The following FBXO16 variants were observed in gnomAD, a reference collection of about 807,000 sequenced individuals.
FBXO16 encodes F-box only protein 16.
FBXO16 carries 31 observed loss-of-function variants against 41.0 expected under a neutral mutation model. The ratio of observed to expected loss-of-function variants is 0.76; its 90% CI spans 0.57 to 1.02. The LOEUF is 1.02. Among genes scored for constraint, FBXO16 ranks in the 50% least tolerant of loss-of-function variants. FBXO16 has a pLI of 0.00. For synonymous variants in FBXO16, 133 were observed against 117.8 expected (o/e 1.13, Z -0.84); for missense variants, 361 against 346.2 (o/e 1.04, Z -0.34).
At chr8:28,428,781 C>A (rs1330584876) in intron 8 of FBXO16, 45 bp from the exon 9 acceptor site, 3 of 1,464,294 alleles carry the variant, frequency 2.0e-6, no homozygotes, top group Admixed American at 2.8e-5. Context: ...TATTGAAATA[C>A]CAAGGGAGCT....
At chr8:28,459,556 G>C (rs1255304742) in intron 4 of FBXO16, among the ~76,000 whole-genome samples, 3 of 150,952 alleles carry the variant, frequency 2.0e-5, no homozygotes, top group Admixed American at 6.6e-5. Flanking sequence ...GTGGGCGGAG[G>C]TTGCAGTGAG....
intron 8 of FBXO16, 112 bp from the exon 9 acceptor site, chr8:28,428,848 G>T: frequency 8.1e-7 from 1 of 1,234,252 alleles, no homozygotes; most frequent in Non-Finnish European, 1.1e-6. Context: ...TATAGGGCTG[G>T]ATGGGATTTA....
chr8:28,430,857 A>G (rs1585886686), intron 7 of FBXO16, among the ~76,000 whole-genome samples: 1 of 152,190 alleles, frequency 6.6e-6, no homozygotes, highest in East Asian at 1.9e-4. Context: ...CTGTAATCCC[A>G]GCTACTCAGG....
At chr8:28,473,520 G>A (rs1372389342) in intron 3 of FBXO16, among the ~76,000 whole-genome samples, 1 of 152,146 alleles carries the variant, frequency 6.6e-6, no homozygotes, top group Admixed American at 6.5e-5. Flanking sequence ...TGCCATGTGA[G>A]GACACAGTGA....
intron 1 of FBXO16, among the ~76,000 whole-genome samples, chr8:28,484,830 T>C (rs1024494573): frequency 1.1e-4 from 17 of 152,014 alleles, no homozygotes; most frequent in Admixed American, 1.0e-3. Flanking sequence ...CCTGACCTCA[T>C]GATCCACCCC....
chr8:28,481,057 GC>G (rs34633313), intron 2 of FBXO16, among the ~76,000 whole-genome samples: 1 of 151,774 alleles, frequency 6.6e-6, no homozygotes, highest in Admixed American at 6.5e-5. Context: ...TCACTCGGGG[GC>G]CCCGAGCCGG....
intron 6 of FBXO16, among the ~76,000 whole-genome samples, chr8:28,450,969 T>A (rs1040466285): frequency 1.9e-4 from 29 of 152,184 alleles, no homozygotes; most frequent in Non-Finnish European, 3.4e-4. Flanking sequence ...TAGCAATTTT[T>A]AAAAAATGCC....
At chr8:28,485,966 G>C (rs1563372198) in intron 1 of FBXO16, among the ~76,000 whole-genome samples, 1 of 151,716 alleles carries the variant, frequency 6.6e-6, no homozygotes, top group Non-Finnish European at 1.5e-5. Flanking sequence ...AAATTATCTG[G>C]GCATGGTGGC....
intron 7 of FBXO16, among the ~76,000 whole-genome samples, chr8:28,441,910 A>ATGTGTGTGTGTGTGTGTG (rs1175392833): frequency 9.3e-6 from 1 of 107,894 alleles, no homozygotes; most frequent in Non-Finnish European, 1.7e-5. Context: ...GTATATATAT[A>ATGTGTGTGTGTGTGTGTG]TGTGTGTGTG....
chr8:28,441,250 C>T (rs1160596665), intron 7 of FBXO16, among the ~76,000 whole-genome samples: 1 of 152,124 alleles, frequency 6.6e-6, no homozygotes, highest in African/African-American at 2.4e-5. Flanking sequence ...CACCTCTTCC[C>T]TTCCAGGAGC....
At chr8:28,489,275 G>A (rs1027105586) in intron 1 of FBXO16, among the ~76,000 whole-genome samples, 1 of 151,928 alleles carries the variant, frequency 6.6e-6, no homozygotes, top group Non-Finnish European at 1.5e-5. Context: ...CTGGGAGGCA[G>A]AGGTTGCAGT....
chr8:28,441,691 G>C (rs1186168388), intron 7 of FBXO16, among the ~76,000 whole-genome samples: 1 of 147,524 alleles, frequency 6.8e-6, no homozygotes, highest in Admixed American at 6.8e-5. Context: ...AGCCGAGATC[G>C]CGCCATTGCA....
chr8:28,477,626 TG>T (rs1803443523), intron 2 of FBXO16, among the ~76,000 whole-genome samples: 1 of 152,246 alleles, frequency 6.6e-6, no homozygotes, highest in Admixed American at 6.5e-5. Flanking sequence ...GTTTTAAAAT[TG>T]GAAACATTGC....
At chr8:28,443,668 A>G (rs542695473) in intron 7 of FBXO16, among the ~76,000 whole-genome samples, 2 of 152,106 alleles carry the variant, frequency 1.3e-5, no homozygotes, top group Non-Finnish European at 2.9e-5. Context: ...ACTGGGCTTC[A>G]CTCCCAGACG....
At chr8:28,467,569 T>C (rs1422663941) in intron 3 of FBXO16, among the ~76,000 whole-genome samples, 4 of 152,232 alleles carry the variant, frequency 2.6e-5, no homozygotes, top group Non-Finnish European at 5.9e-5. Flanking sequence ...ATAATATGTA[T>C]GTGGGTTAAG....
intron 5 of FBXO16, among the ~76,000 whole-genome samples, chr8:28,454,633 A>C (rs1055328242): frequency 2.0e-5 from 3 of 149,300 alleles, no homozygotes; most frequent in East Asian, 2.0e-4. Context: ...GAGGCTGAGG[A>C]AGGAGAATGG....
intron 2 of FBXO16, among the ~76,000 whole-genome samples, chr8:28,479,996 A>C (rs1475015673): frequency 6.6e-6 from 1 of 151,756 alleles, no homozygotes; most frequent in East Asian, 1.9e-4. Context: ...TCACCCTCCC[A>C]AAGTGCTGGG....
At chr8:28,440,880 A>G (rs1802761683) in intron 7 of FBXO16, among the ~76,000 whole-genome samples, 1 of 152,182 alleles carries the variant, frequency 6.6e-6, no homozygotes, top group South Asian at 2.1e-4. Context: ...GACAAAGGGT[A>G]TTTGTGTTTA....
At chr8:28,437,954 T>TA (rs1463908876) in intron 7 of FBXO16, among the ~76,000 whole-genome samples, 1 of 152,148 alleles carries the variant, frequency 6.6e-6, no homozygotes, top group Non-Finnish European at 1.5e-5. Flanking sequence ...GGAGGCCATG[T>TA]AGGAGCTGAA....
Sources: gnomAD v4.1 joint callset for allele counts (sites outside exome capture counted in the v4.1 genomes callset) on GRCh38, gnomAD v4.1.1 for gene constraint, MANE v1.5 for transcripts, NCBI Gene and HGNC (gene_info 2026-07-23, HGNC 2026-07-21) for gene names.